Variants in SYN3 observed in about 807,000 individuals in gnomAD.
The protein encoded by SYN3 is synapsin III, also known as synapsin-3.
A neutral mutation model predicts 65.8 loss-of-function variants in SYN3; 35 were observed. The ratio of observed to expected loss-of-function variants is 0.53; its 90% CI spans 0.41 to 0.70. The LOEUF is 0.70. Among genes scored for constraint, SYN3 ranks in the 30% least tolerant of loss-of-function variants. The probability of loss-of-function intolerance (pLI) is 0.00; values close to 1 mark genes in which losing one functional copy is unlikely to be tolerated. For synonymous variants in SYN3, 270 were observed against 292.9 expected (o/e 0.92, Z 0.80); for missense variants, 680 against 749.0 (o/e 0.91, Z 1.08).
chr22:32,648,388 GAA>G (rs2060014284), intron 6 of SYN3, among the ~76,000 whole-genome samples: 1 of 152,108 alleles, frequency 6.6e-6, no homozygotes, highest in Non-Finnish European at 1.5e-5. Context: ...CAGTTTCTTT[GAA>G]AATAGGTTTA....
At chr22:32,986,268 T>C (rs965005868) in intron 2 of SYN3, among the ~76,000 whole-genome samples, 2 of 151,870 alleles carry the variant, frequency 1.3e-5, no homozygotes, top group Non-Finnish European at 2.9e-5. Context: ...GATGTGGGGG[T>C]GTGTACGAGG....
At chr22:32,772,160 T>C (rs760607421) in intron 6 of SYN3, among the ~76,000 whole-genome samples, 1 of 152,212 alleles carries the variant, frequency 6.6e-6, no homozygotes. Context: ...TTTCTGTCCC[T>C]GAGGATAGTG....
At chr22:32,995,829 A>G (rs1442145871) in intron 2 of SYN3, among the ~76,000 whole-genome samples, 1 of 152,014 alleles carries the variant, frequency 6.6e-6, no homozygotes, top group Non-Finnish European at 1.5e-5. Flanking sequence ...CGCTCAGTTA[A>G]TTTTTGTATT....
rs926862480 is a variant in SYN3 at position 32,801,360 on chromosome 22, G to A, written c.711+63555C>T. ...GGGTGGGTGGGTGTTAGTTGGTTCT[G>A]GTTTGGGTCAGAGACACCCAGTGGC... is the stretch of plus-strand genomic sequence containing the variant. On this transcript the variant is annotated intron_variant, in intron 6 of 13. Coordinates refer to ENST00000358763, the MANE Select transcript of SYN3 (RefSeq NM_003490.4). This position sits in a 1 kb window ranked among gnomAD's most constrained non-coding sequence, Gnocchi z 4.7. Among the ~76,000 whole-genome samples, 1 of 152,238 alleles carries A rather than the reference G, an allele frequency of 6.6e-6. No individual in the cohort carries two copies. Among genetic ancestry groups the A allele is most frequent in the Non-Finnish European group, 1.5e-5 (1 of 68,048 alleles).
intron 6 of SYN3, among the ~76,000 whole-genome samples, chr22:32,694,875 C>T (rs2060714941): frequency 6.6e-6 from 1 of 152,200 alleles, no homozygotes; most frequent in Non-Finnish European, 1.5e-5. Context: ...CTTTCAGCTA[C>T]TTTATACATG....
At chr22:32,929,214 G>A (rs573054537) in intron 4 of SYN3, among the ~76,000 whole-genome samples, 6 of 152,168 alleles carry the variant, frequency 3.9e-5, no homozygotes, top group East Asian at 1.9e-4. Context: ...CCTGGGAGGC[G>A]GAGGTTGCAG....
intron 6 of SYN3, among the ~76,000 whole-genome samples, chr22:32,613,675 C>T (rs2059477351): frequency 6.6e-6 from 1 of 152,182 alleles, no homozygotes; most frequent in South Asian, 2.1e-4. Flanking sequence ...ACACAGATTG[C>T]CGAGAGCTCT....
intron 7 of SYN3, among the ~76,000 whole-genome samples, chr22:32,548,631 CA>C (rs940814156): frequency 2.6e-5 from 4 of 152,162 alleles, no homozygotes; most frequent in Non-Finnish European, 4.4e-5. Context: ...CTCGGCCTCC[CA>C]AAGTGCTGGG....
intron 6 of SYN3, among the ~76,000 whole-genome samples, chr22:32,603,579 C>T (rs180850417): frequency 1.9e-3 from 292 of 151,908 alleles, no homozygotes; most frequent in African/African-American, 6.6e-3. Context: ...GCCCTTTGCC[C>T]GAAGCCAGAC....
chr22:32,986,378 G>A (rs2052528235), intron 2 of SYN3, among the ~76,000 whole-genome samples: 1 of 152,178 alleles, frequency 6.6e-6, no homozygotes, highest in African/African-American at 2.4e-5. Flanking sequence ...GTCTTGATGA[G>A]ACCTCACCTT....
chr22:32,561,255 GAGAC>G lies in SYN3; in HGVS notation c.775-19546_775-19543del, dbSNP rs530659864. 5.1e-3 allele frequency among the ~76,000 whole-genome samples: 771 copies of G among 152,338 alleles called. 8 individuals carry two copies. Among genetic ancestry groups the G allele is most frequent in the African/African-American group, 0.017 (726 of 41,568 alleles). On this transcript the variant is annotated intron_variant, in intron 7 of 13. Transcript: ENST00000358763. Reference sequence around the variant, plus strand: ...GAAGTTGCCCCTGAGGCCAGCAGGAGAGACAGACAGAGCCTAGGGCATCGGTGAC... The same window carrying G: ...GAAGTTGCCCCTGAGGCCAGCAGGAGAGACAGAGCCTAGGGCATCGGTGAC...
At chr22:32,674,986 C>A (rs2060420077) in intron 6 of SYN3, among the ~76,000 whole-genome samples, 2 of 152,176 alleles carry the variant, frequency 1.3e-5, no homozygotes, top group South Asian at 4.1e-4. Flanking sequence ...AACAGATGTA[C>A]CCCTTGTCAC....
At chr22:32,768,085 A>G (rs2045674766) in intron 6 of SYN3, among the ~76,000 whole-genome samples, 1 of 152,154 alleles carries the variant, frequency 6.6e-6, no homozygotes, top group Non-Finnish European at 1.5e-5. Context: ...CTCTCCTTCC[A>G]AAGTTCCAAT....
intron 6 of SYN3, among the ~76,000 whole-genome samples, chr22:32,632,279 C>T (rs534134859): frequency 6.6e-6 from 1 of 152,300 alleles, no homozygotes; most frequent in Non-Finnish European, 1.5e-5. Context: ...GAACTGGCAA[C>T]CTGGACCTGG....
At chr22:32,868,675 T>C (rs1019475350) in intron 5 of SYN3, among the ~76,000 whole-genome samples, 7 of 152,104 alleles carry the variant, frequency 4.6e-5, no homozygotes, top group African/African-American at 1.7e-4. Flanking sequence ...GGTCTCGAAC[T>C]ACCAACTTCA....
intron 6 of SYN3, among the ~76,000 whole-genome samples, chr22:32,759,640 C>T (rs1010739600): frequency 3.3e-5 from 5 of 150,062 alleles, no homozygotes; most frequent in African/African-American, 1.2e-4. Flanking sequence ...CCTACCACCC[C>T]CAGCACTCAC....
At chr22:32,568,281 G>C (rs772984059) in intron 7 of SYN3, among the ~76,000 whole-genome samples, 80 of 152,122 alleles carry the variant, frequency 5.3e-4, no homozygotes, top group Non-Finnish European at 1.0e-4. Context: ...TCCTCCTCCA[G>C]CTCCTAGGAA....
At chr22:32,586,606 G>A (rs2059045968) in intron 7 of SYN3, among the ~76,000 whole-genome samples, 1 of 152,104 alleles carries the variant, frequency 6.6e-6, no homozygotes, top group South Asian at 2.1e-4. Flanking sequence ...CTGCAAGAAG[G>A]ACACTTGTTT....
intron 4 of SYN3, among the ~76,000 whole-genome samples, chr22:32,906,412 T>C (rs930245434): frequency 4.6e-5 from 7 of 152,210 alleles, no homozygotes; most frequent in African/African-American, 1.7e-4. Context: ...TTCTACTTAG[T>C]TCTTCCTTAG....
Sources: allele counts gnomAD v4.1 joint callset (sites outside exome capture counted in the v4.1 genomes callset), GRCh38; gene constraint gnomAD v4.1.1; non-coding constraint Gnocchi (gnomAD v3.1); transcripts MANE v1.5; gene names NCBI Gene and HGNC (gene_info 2026-07-23, HGNC 2026-07-21).